ZC3H12B: variants seen among roughly 807,000 people sequenced by gnomAD.
ZC3H12B encodes probable ribonuclease ZC3H12B.
ZC3H12B carries 7 observed loss-of-function variants against 43.9 expected under a neutral mutation model. That is an observed-to-expected ratio of 0.16 (90% CI 0.09 to 0.30). The LOEUF is 0.30. ZC3H12B is among the 10% of genes least tolerant of loss of function. The pLI is 1.00. For synonymous variants in ZC3H12B, 222 were observed against 241.7 expected, an observed-to-expected ratio of 0.92 and a Z score of 0.76; for missense variants, 475 against 670.2, an observed-to-expected ratio of 0.71 and a Z score of 3.22.
At chrX:65,451,995 T>G (rs971266452) in intron 3 of ZC3H12B, among the ~76,000 whole-genome samples, 4 of 111,640 alleles carry the variant, frequency 3.6e-5, no homozygotes, top group Non-Finnish European at 7.5e-5. Context: ...GCGTTGATGG[T>G]CAGAGCTAGG....
chrX:65,397,690 A>G (rs1485279572), intron 2 of ZC3H12B, among the ~76,000 whole-genome samples: 2 of 111,578 alleles, frequency 1.8e-5, no homozygotes, highest in African/African-American at 6.5e-5. Context: ...AATGGGGAAA[A>G]CCTGAAAGCC....
chrX:65,384,727 G>C (rs987196015), intron 2 of ZC3H12B, among the ~76,000 whole-genome samples: 1 of 111,617 alleles, frequency 9.0e-6, no homozygotes, highest in African/African-American at 3.3e-5. Flanking sequence ...TGGCTGAATT[G>C]ATTTTAAAAA....
Position 65,466,594 on chromosome X carries a change from G to A in ZC3H12B, n.408-22052G>A, listed in dbSNP as rs188149131. On this transcript the variant is annotated intron_variant and non_coding_transcript_variant, in intron 3 of 5. Coordinates refer to the ZC3H12B transcript ENST00000617377. ...CTTTAGCCTATGTACTCAAAAGTGA[G>A]ATTGCTGGATTGTAAGGTAATTCTA... Among the ~76,000 whole-genome samples the A allele has an allele frequency of 2.3e-3, 252 of 108,732 alleles. 2 individuals are homozygous for A. The highest frequency in any genetic ancestry group is 7.8e-3 in the African/African-American group (236 of 30,246). The allele number at this position is 108,732 out of a possible 115,157, so 94.4% of individuals were successfully genotyped here.
chrX:65,270,148 T>C, the ZC3H12B span, among the ~76,000 whole-genome samples: 1 of 111,598 alleles, frequency 9.0e-6, no homozygotes, highest in African/African-American at 3.3e-5. Context: ...AAAACTATAG[T>C]AACTAAAATA....
the ZC3H12B span, among the ~76,000 whole-genome samples, chrX:65,284,184 A>T: frequency 9.2e-6 from 1 of 108,458 alleles, no homozygotes; most frequent in South Asian, 4.1e-4. Context: ...TATGAAAGTA[A>T]ATTCAAAAAT....
the ZC3H12B span, among the ~76,000 whole-genome samples, chrX:65,157,713 C>G: frequency 9.0e-6 from 1 of 110,791 alleles, no homozygotes; most frequent in Non-Finnish European, 1.9e-5. Flanking sequence ...TTTATTTTTA[C>G]CATCTTATTT....
the ZC3H12B span, among the ~76,000 whole-genome samples, chrX:65,317,291 G>C: frequency 9.1e-6 from 1 of 109,615 alleles, no homozygotes; most frequent in Admixed American, 9.8e-5. Flanking sequence ...CCACGGTCTT[G>C]GGCAGGAGTG....
chrX:65,183,874 G>C, the ZC3H12B span, among the ~76,000 whole-genome samples: 1 of 111,349 alleles, frequency 9.0e-6, no homozygotes, highest in East Asian at 2.8e-4. Context: ...ATAATTTGGG[G>C]AAGTTTTTAC....
At chrX:65,108,686 G>T in the ZC3H12B span, among the ~76,000 whole-genome samples, 1 of 110,136 alleles carries the variant, frequency 9.1e-6, no homozygotes, top group Non-Finnish European at 1.9e-5. Context: ...ACAATAAAAA[G>T]TATAGTGAAG....
the ZC3H12B span, chrX:65,273,080 A>C: frequency 4.5e-5 from 5 of 112,332 alleles, no homozygotes; most frequent in Non-Finnish European, 9.4e-5. Context: ...GTGTGACTTC[A>C]GTGGAAGAAG....
intron 2 of ZC3H12B, among the ~76,000 whole-genome samples, chrX:65,392,638 G>T (rs1043520077): frequency 9.3e-6 from 1 of 107,850 alleles, no homozygotes; most frequent in African/African-American, 3.4e-5. Flanking sequence ...GGTGGGGGGC[G>T]CCTCTGCCCG....
At chrX:65,407,724 G>A (rs917742960) in intron 3 of ZC3H12B, among the ~76,000 whole-genome samples, 4 of 113,673 alleles carry the variant, frequency 3.5e-5, no homozygotes, top group African/African-American at 9.5e-5. Flanking sequence ...GAGTGCGGTC[G>A]GAGTCACCGC....
At chrX:65,235,223 C>G in the ZC3H12B span, among the ~76,000 whole-genome samples, 1 of 111,318 alleles carries the variant, frequency 9.0e-6, no homozygotes, top group South Asian at 3.7e-4. Flanking sequence ...AATGGGATTG[C>G]TGGGTCAAAT....
At chrX:65,127,242 G>A in the ZC3H12B span, among the ~76,000 whole-genome samples, 1 of 111,749 alleles carries the variant, frequency 8.9e-6, no homozygotes, top group African/African-American at 3.3e-5. Context: ...GGCTTCCTTA[G>A]AACTGAATTG....
chrX:65,099,051 G>A, the ZC3H12B span, among the ~76,000 whole-genome samples: 1 of 111,434 alleles, frequency 9.0e-6, no homozygotes, highest in East Asian at 2.9e-4. Flanking sequence ...TGGGGGAGGG[G>A]TGTCTGCCAT....
chrX:65,257,305 G>T, the ZC3H12B span, among the ~76,000 whole-genome samples: 1 of 111,752 alleles, frequency 8.9e-6, no homozygotes, highest in Non-Finnish European at 1.9e-5. Context: ...CCTTTGCAGG[G>T]ACATGGATGA....
chrX:65,445,530 C>T (rs1294882463), intron 3 of ZC3H12B, among the ~76,000 whole-genome samples: 1 of 112,330 alleles, frequency 8.9e-6, no homozygotes, highest in African/African-American at 3.2e-5. Flanking sequence ...AATGAGCTCC[C>T]TGGAGTTAGA....
At chrX:65,389,480 T>C (rs1261736675) in intron 2 of ZC3H12B, among the ~76,000 whole-genome samples, 1 of 112,499 alleles carries the variant, frequency 8.9e-6, no homozygotes, top group Admixed American at 9.3e-5. Flanking sequence ...CTAAGACCAT[T>C]GGAAAAGCAC....
chrX:65,068,980 A>T, the ZC3H12B span, among the ~76,000 whole-genome samples: 10 of 108,809 alleles, frequency 9.2e-5, no homozygotes, highest in East Asian at 2.9e-3. Flanking sequence ...GTTTCTCCTG[A>T]GAAGTCTGCT....
Sources: allele counts gnomAD v4.1 joint callset (sites outside exome capture counted in the v4.1 genomes callset), GRCh38; gene constraint gnomAD v4.1.1; transcripts MANE v1.5; gene names NCBI Gene and HGNC (gene_info 2026-07-23, HGNC 2026-07-21).